Variants in TCF7L2 observed in about 807,000 individuals in gnomAD.
TCF7L2 encodes the protein transcription factor 7-like 2.
In TCF7L2, 23 loss-of-function variants were observed where a neutral mutation model predicts 77.9. That is an observed-to-expected ratio of 0.30 (90% CI 0.21 to 0.42). TCF7L2 has a LOEUF of 0.42. TCF7L2 is among the 10% of genes least tolerant of loss of function. The pLI is 1.00. For synonymous variants in TCF7L2, 413 were observed against 340.2 expected (o/e 1.21, Z -2.36); for missense variants, 654 against 793.1 (o/e 0.82, Z 2.11).
intron 5 of TCF7L2, among the ~76,000 whole-genome samples, chr10:113,120,405 G>A (rs1000095654): frequency 6.6e-5 from 10 of 152,158 alleles, no homozygotes; most frequent in Non-Finnish European, 1.3e-4. Context: ...CAGATGTTGC[G>A]ATTTAGTGTT....
intron 6 of TCF7L2, among the ~76,000 whole-genome samples, chr10:113,143,200 C>T (rs1414548344): frequency 6.6e-6 from 1 of 152,256 alleles, no homozygotes; most frequent in Non-Finnish European, 1.5e-5. Context: ...TCATGTGTGC[C>T]TTGTGAAGCT....
In TCF7L2 at chr10:113,098,732, G is replaced by A. The variant is rs578247042; in HGVS notation, c.553-42452G>A. Among the ~76,000 whole-genome samples, 40 of 152,140 alleles carry A rather than the reference G, an allele frequency of 2.6e-4. No homozygotes were observed. In the East Asian group the frequency reaches 7.3e-3, roughly 28 times the overall value. ...AAACAAAACAAAAAACAAAAAAAAT[G>A]TATTTTAAAATATATTATGATCATT... is the stretch of plus-strand genomic sequence containing the variant. On this transcript the variant is annotated intron_variant, in intron 5 of 13. Coordinates refer to ENST00000627217, the MANE Select transcript of TCF7L2 (RefSeq NM_001146274.2).
Position 113,030,308 on chromosome 10 carries a change from G to T in TCF7L2, c.451-9717G>T, listed in dbSNP as rs139177859. Among the ~76,000 whole-genome samples the T allele has an allele frequency of 2.3e-3, 353 of 152,238 alleles. 1 individual carries two copies. The highest frequency in any genetic ancestry group is 7.9e-3 in the African/African-American group (330 of 41,528). ...GGCTGTACCGCATTTTAGTTATCCA[G>T]CTATCGGTTGAGACTTGGTGCATTC... On this transcript the variant is annotated intron_variant, in intron 4 of 13. Transcript: ENST00000627217.
At chr10:113,125,243 GAAAA>G (rs11302360) in intron 5 of TCF7L2, among the ~76,000 whole-genome samples, 8 of 146,060 alleles carry the variant, frequency 5.5e-5, no homozygotes, top group African/African-American at 2.0e-4. Flanking sequence ...AAAGATTTCA[GAAAA>G]AAAAAAAAGT....
At chr10:113,106,687 C>T (rs2062366086) in intron 5 of TCF7L2, among the ~76,000 whole-genome samples, 1 of 152,184 alleles carries the variant, frequency 6.6e-6, no homozygotes, top group African/African-American at 2.4e-5. Context: ...GAAAACTTTT[C>T]AAGCAGTGAA....
At position 112,962,235 on chromosome 10, in the gene TCF7L2, G is replaced by C. The variant is rs146991647; in HGVS notation, c.382-2321G>C. On this transcript the variant is annotated intron_variant, in intron 3 of 13. Coordinates refer to ENST00000627217, the MANE Select transcript of TCF7L2 (RefSeq NM_001146274.2). Reference sequence around the variant, plus strand: ...GATTCCTATGGTAACCCTGTGTACAGATTGCCTAGGGGCTCTGCAGGGATT... The same window carrying C: ...GATTCCTATGGTAACCCTGTGTACACATTGCCTAGGGGCTCTGCAGGGATT... 2.3e-3 allele frequency among the ~76,000 whole-genome samples: 349 copies of C among 152,246 alleles called. 2 individuals are homozygous for C. Among genetic ancestry groups the C allele is most frequent in the African/African-American group, 7.9e-3 (330 of 41,526 alleles).
intron 13 of TCF7L2, among the ~76,000 whole-genome samples, chr10:113,162,946 T>C (rs989540364): frequency 4.6e-5 from 7 of 151,846 alleles, no homozygotes; most frequent in African/African-American, 1.7e-4. Context: ...ACTCAACTTT[T>C]CCTTTTAACG....
chr10:113,111,376 A>T (rs145803224), intron 5 of TCF7L2, among the ~76,000 whole-genome samples: 2 of 152,320 alleles, frequency 1.3e-5, no homozygotes, highest in East Asian at 1.9e-4. Context: ...TAGGCACTGA[A>T]TCAGTATTTA....
chr10:113,052,432 C>T (rs1051315046), intron 5 of TCF7L2, among the ~76,000 whole-genome samples: 4 of 152,178 alleles, frequency 2.6e-5, no homozygotes, highest in Non-Finnish European at 5.9e-5. Flanking sequence ...AATTGAGCCC[C>T]CTACTGGATC....
chr10:113,132,958 G>A (rs2066833456), intron 5 of TCF7L2: 1 of 152,192 alleles, frequency 6.6e-6, no homozygotes, highest in Admixed American at 6.5e-5. Context: ...GGCAGAGGCA[G>A]GCAGGAAGAA....
intron 5 of TCF7L2, among the ~76,000 whole-genome samples, chr10:113,099,468 G>T (rs1022814891): frequency 1.3e-5 from 2 of 152,156 alleles, no homozygotes; most frequent in Non-Finnish European, 2.9e-5. Flanking sequence ...AGCCCTCAGT[G>T]CATCCCCACC....
chr10:112,984,069 G>A (rs960188854), intron 4 of TCF7L2, among the ~76,000 whole-genome samples: 5 of 152,154 alleles, frequency 3.3e-5, no homozygotes, highest in Non-Finnish European at 7.4e-5. Flanking sequence ...TTTGCAGCAG[G>A]CTGAATTAAA....
intron 13 of TCF7L2, among the ~76,000 whole-genome samples, chr10:113,163,009 TA>T (rs113088460): frequency 0.032 from 4,186 of 131,756 alleles, 65 homozygotes; most frequent in Middle Eastern, 0.053. Context: ...AAAATGTACT[TA>T]AAAAAAAAAA....
chr10:113,024,714 G>C (rs1012837110), intron 4 of TCF7L2, among the ~76,000 whole-genome samples: 2 of 148,596 alleles, frequency 1.3e-5, no homozygotes, highest in Non-Finnish European at 3.0e-5. Context: ...CTACCTCCCA[G>C]GTCGAAACGA....
At chr10:113,031,626 A>G (rs1393269477) in intron 4 of TCF7L2, among the ~76,000 whole-genome samples, 1 of 151,984 alleles carries the variant, frequency 6.6e-6, no homozygotes, top group Non-Finnish European at 1.5e-5. Context: ...TAGCTGGCAT[A>G]ACAGGCGCCT....
chr10:112,958,670 T>G (rs1301151544), intron 3 of TCF7L2, among the ~76,000 whole-genome samples: 1 of 152,168 alleles, frequency 6.6e-6, no homozygotes, highest in East Asian at 1.9e-4. Flanking sequence ...GCTGGGCCAA[T>G]TATGATGTAC....
intron 11 of TCF7L2, among the ~76,000 whole-genome samples, chr10:113,156,107 C>CGAG (rs2071814193): frequency 1.5e-5 from 2 of 137,120 alleles, no homozygotes. Flanking sequence ...TCTCGAGTTT[C>CGAG]TTTCTTTCTT....
At chr10:113,126,502 T>G in intron 5 of TCF7L2, 2 of 946,698 alleles carry the variant, frequency 2.1e-6, no homozygotes, top group Non-Finnish European at 2.5e-6. Flanking sequence ...ATATCAGGCT[T>G]TGTTCTTTTG....
At chr10:113,047,838 A>G (rs1047100158) in intron 5 of TCF7L2, among the ~76,000 whole-genome samples, 1 of 152,154 alleles carries the variant, frequency 6.6e-6, no homozygotes, top group East Asian at 1.9e-4. Flanking sequence ...CAGCCTCTCA[A>G]ATCAGCTCTT....
Sources: gnomAD v4.1 joint callset for allele counts (sites outside exome capture counted in the v4.1 genomes callset) on GRCh38, gnomAD v4.1.1 for gene constraint, MANE v1.5 for transcripts, NCBI Gene and HGNC (gene_info 2026-07-23, HGNC 2026-07-21) for gene names.